The following PCGF5 variants were observed in gnomAD, a reference collection of about 807,000 sequenced individuals.
PCGF5 encodes the protein polycomb group RING finger protein 5.
A neutral mutation model predicts 44.3 loss-of-function variants in PCGF5; 9 were observed. The ratio of observed to expected loss-of-function variants is 0.20; its 90% CI spans 0.12 to 0.35. The LOEUF is 0.35. PCGF5 is among the 10% of genes least tolerant of loss of function. The pLI is 1.00. For synonymous variants in PCGF5, 95 were observed against 102.5 expected, an observed-to-expected ratio of 0.93 and a Z score of 0.44; for missense variants, 146 against 305.3, an observed-to-expected ratio of 0.48 and a Z score of 3.89.
rs1388541106 is a variant in PCGF5 at position 91,265,821 on chromosome 10, G to A, written c.663+1301G>A. On this transcript the variant is annotated intron_variant, in intron 8 of 9. Coordinates refer to ENST00000336126, the MANE Select transcript of PCGF5 (RefSeq NM_032373.5). ...AGATGTAGTAAAAGCCCTGCTTAAAGCCTTCTTTGTGAGACTGAACGCTTT... is the reference window on the plus strand; with the variant it reads ...AGATGTAGTAAAAGCCCTGCTTAAAACCTTCTTTGTGAGACTGAACGCTTT... Among the ~76,000 whole-genome samples the A allele has an allele frequency of 6.6e-5, 10 of 152,096 alleles. No homozygotes were observed. The East Asian group carries it at 1.9e-3, about 29-fold the overall frequency.
At chr10:91,176,721 G>A (rs763248926) in intron 1 of PCGF5, among the ~76,000 whole-genome samples, 4 of 152,016 alleles carry the variant, frequency 2.6e-5, no homozygotes, top group South Asian at 2.1e-4. Flanking sequence ...TTGTGCATTC[G>A]TCACGTAGTT....
At chr10:91,158,177 A>C (rs559378048), upstream of PCGF5, among the ~76,000 whole-genome samples, 2 of 152,332 alleles carry the variant, frequency 1.3e-5, no homozygotes, top group African/African-American at 4.8e-5. Flanking sequence ...GACTTTATTT[A>C]TAGGAGAGAT....
At chr10:91,235,161 G>A (rs1288299882) in intron 2 of PCGF5, among the ~76,000 whole-genome samples, 1 of 152,140 alleles carries the variant, frequency 6.6e-6, no homozygotes, top group Non-Finnish European at 1.5e-5. Context: ...AGAGGGTTTT[G>A]TAGAGTTATA....
At chr10:91,211,813 G>C (rs1051151891) in intron 1 of PCGF5, among the ~76,000 whole-genome samples, 1 of 152,214 alleles carries the variant, frequency 6.6e-6, no homozygotes, top group East Asian at 1.9e-4. Context: ...TGTTAAAGTA[G>C]AGGCTTTGTC....
At chr10:91,216,073 G>A (rs947915267), upstream of PCGF5, among the ~76,000 whole-genome samples, 3 of 152,182 alleles carry the variant, frequency 2.0e-5, no homozygotes, top group African/African-American at 7.2e-5. Flanking sequence ...CATCCACTCT[G>A]CTGGGGATAT....
At chr10:91,201,340 A>G (rs1336166438) in intron 1 of PCGF5, among the ~76,000 whole-genome samples, 1 of 152,078 alleles carries the variant, frequency 6.6e-6, no homozygotes, top group Non-Finnish European at 1.5e-5. Flanking sequence ...CACTAGTCCT[A>G]TCATGGTCCC....
chr10:91,193,098 G>A (rs1413665100), intron 1 of PCGF5, among the ~76,000 whole-genome samples: 1 of 152,288 alleles, frequency 6.6e-6, no homozygotes, highest in Admixed American at 6.5e-5. Context: ...ACCCACCCAT[G>A]CTGAGAGTGC....
At chr10:91,159,988 C>T (rs1466965555), upstream of PCGF5, among the ~76,000 whole-genome samples, 1 of 152,180 alleles carries the variant, frequency 6.6e-6, no homozygotes, top group Non-Finnish European at 1.5e-5. Context: ...TAAATCATAT[C>T]TATATTTAAT....
intron 1 of PCGF5, among the ~76,000 whole-genome samples, chr10:91,166,636 A>G (rs1464760429): frequency 1.3e-5 from 2 of 152,188 alleles, no homozygotes; most frequent in African/African-American, 4.8e-5. Context: ...GAGTCAGGAC[A>G]TCTGATGGGT....
chr10:91,160,639 G>C (rs1011118458), upstream of PCGF5, among the ~76,000 whole-genome samples: 10 of 152,038 alleles, frequency 6.6e-5, no homozygotes, highest in African/African-American at 2.4e-4. Flanking sequence ...AGAGACTCTG[G>C]GGGGGAAAAG....
intron 6 of PCGF5, among the ~76,000 whole-genome samples, chr10:91,257,837 A>G (rs1253622901): frequency 7.9e-5 from 12 of 152,284 alleles, no homozygotes. Context: ...AAACATGTTC[A>G]CACAAAATCT....
At chr10:91,268,891 G>A (rs1846109275) in intron 8 of PCGF5, among the ~76,000 whole-genome samples, 1 of 152,046 alleles carries the variant, frequency 6.6e-6, no homozygotes, top group Non-Finnish European at 1.5e-5. Context: ...AAAACAAACA[G>A]CTGGTCAGAC....
chr10:91,227,181 T>C (rs1844864747), intron 2 of PCGF5, among the ~76,000 whole-genome samples: 1 of 152,202 alleles, frequency 6.6e-6, no homozygotes, highest in Non-Finnish European at 1.5e-5. Flanking sequence ...GTATACACTA[T>C]TGAGCAAACT....
Position 91,261,314 on chromosome 10 carries a change from T to C in PCGF5, c.475-12T>C. On this transcript the variant is annotated splice_polypyrimidine_tract_variant and intron_variant, in intron 6 of 9. Transcript: ENST00000336126. ...GTAGAACATTTTAACTGGTAATCTT[T>C]ATTTCCTTTAGGGTTTAATGAAGAA... 6.7e-7 allele frequency: 1 copy of C among 1,484,498 alleles called. No homozygotes were observed. Among genetic ancestry groups the C allele is most frequent in the Non-Finnish European group, 9.0e-7 (1 of 1,105,984 alleles). The allele number at this position is 1,484,498 out of a possible 1,614,324, so 92.0% of individuals were successfully genotyped here.
intron 1 of PCGF5, among the ~76,000 whole-genome samples, chr10:91,175,291 C>T (rs1197870254): frequency 6.6e-6 from 1 of 152,094 alleles, no homozygotes; most frequent in Non-Finnish European, 1.5e-5. Flanking sequence ...CAATGATCGA[C>T]TGAAAAAGGA....
intron 1 of PCGF5, among the ~76,000 whole-genome samples, chr10:91,169,418 A>G (rs1843564607): frequency 6.6e-6 from 1 of 152,214 alleles, no homozygotes; most frequent in African/African-American, 2.4e-5. Context: ...TGGAACTAAT[A>G]AGCAATTACA....
chr10:91,265,806 A>G (rs938574214), intron 8 of PCGF5, among the ~76,000 whole-genome samples: 1 of 152,176 alleles, frequency 6.6e-6, no homozygotes, highest in Non-Finnish European at 1.5e-5. Flanking sequence ...AGATGTAGTA[A>G]AAGCCCTGCT....
intron 1 of PCGF5, among the ~76,000 whole-genome samples, chr10:91,177,775 A>C (rs1843738365): frequency 6.6e-6 from 1 of 152,164 alleles, no homozygotes; most frequent in Non-Finnish European, 1.5e-5. Context: ...TTAGGGTGGG[A>C]GTGACCCAAT....
chr10:91,164,566 A>G (rs1388270365), intron 1 of PCGF5, among the ~76,000 whole-genome samples: 3 of 152,212 alleles, frequency 2.0e-5, no homozygotes, highest in Non-Finnish European at 4.4e-5. Context: ...GTGGATCTTA[A>G]AAGAAGACTC....
Sources: gnomAD v4.1 joint callset for allele counts (sites outside exome capture counted in the v4.1 genomes callset) on GRCh38, gnomAD v4.1.1 for gene constraint, MANE v1.5 for transcripts, NCBI Gene and HGNC (gene_info 2026-07-23, HGNC 2026-07-21) for gene names.